PRKACB: variants seen among roughly 807,000 people sequenced by gnomAD.
PRKACB encodes the protein cAMP-dependent protein kinase catalytic subunit beta.
PRKACB carries 16 observed loss-of-function variants against 51.4 expected under a neutral mutation model. That is an observed-to-expected ratio of 0.31 (90% confidence interval 0.21 to 0.47). The LOEUF is 0.47. Ranked by LOEUF, PRKACB falls within the 20% of genes least tolerant of loss-of-function variation. The pLI is 1.00. For missense variants in PRKACB, 309 were observed against 464.5 expected (o/e 0.67, Z 3.08); for synonymous variants, 147 against 154.4 (o/e 0.95, Z 0.35).
chr1:84,205,793 A>G (rs1003488110), intron 8 of PRKACB, among the ~76,000 whole-genome samples: 3 of 152,088 alleles, frequency 2.0e-5, no homozygotes, highest in Admixed American at 1.3e-4. Context: ...TCTCTCCTAC[A>G]CATATTTTGC....
At chr1:84,109,380 T>A (rs1557945612) in intron 1 of PRKACB, among the ~76,000 whole-genome samples, 2 of 151,988 alleles carry the variant, frequency 1.3e-5, no homozygotes, top group African/African-American at 4.8e-5. Flanking sequence ...TCTCATCAAC[T>A]TTTGGTTTTT....
At chr1:84,097,157 T>C (rs1648981838) in intron 1 of PRKACB, among the ~76,000 whole-genome samples, 1 of 152,076 alleles carries the variant, frequency 6.6e-6, no homozygotes, top group Non-Finnish European at 1.5e-5. Context: ...AATTGGGTTG[T>C]TTTCCAGTTT....
rs1653006930 is a variant in PRKACB at position 84,138,094 on chromosome 1, A to G, written c.47-41083A>G. On this transcript the variant is annotated intron_variant, in intron 1 of 8. Transcript: ENST00000370688. Reference sequence around the variant, plus strand: ...ATCTTGATTTCTAAGACCATTCTCCAGTAAAAGGAACTAAGGCTCCTTGGA... The same window carrying G: ...ATCTTGATTTCTAAGACCATTCTCCGGTAAAAGGAACTAAGGCTCCTTGGA... Among the ~76,000 whole-genome samples the G allele has an allele frequency of 2.0e-5, 3 of 152,226 alleles. No homozygotes were observed. In the South Asian group the frequency reaches 6.2e-4, roughly 31 times the overall value.
At chr1:84,170,011 A>G (rs1239995158) in intron 1 of PRKACB, among the ~76,000 whole-genome samples, 1 of 151,718 alleles carries the variant, frequency 6.6e-6, no homozygotes, top group African/African-American at 2.4e-5. Flanking sequence ...ATAAACTGTA[A>G]CAAGTGCCCC....
Position 84,235,357 on chromosome 1 carries a change from G to A in PRKACB, c.*52G>A. 6.2e-7 allele frequency: 1 copy of A among 1,609,174 alleles called. No homozygotes were observed. Among genetic ancestry groups the A allele is most frequent in the East Asian group, 2.2e-5 (1 of 44,782 alleles). On this transcript the variant is annotated 3_prime_UTR_variant, in exon 10 of 10. Coordinates refer to ENST00000370685, the MANE Select transcript of PRKACB (RefSeq NM_182948.4). ...ACACTCAGTGTTTGCACTCTGTTGA[G>A]AGATAAGGTAGAGCTGAGACCGTCC...
intron 1 of PRKACB, among the ~76,000 whole-genome samples, chr1:84,113,011 A>G (rs958409704): frequency 3.3e-5 from 5 of 152,226 alleles, no homozygotes; most frequent in African/African-American, 4.8e-5. Context: ...GTCAACATAA[A>G]GAGACTAAAA....
At chr1:84,232,878 C>G (rs1490338090) in intron 9 of PRKACB, among the ~76,000 whole-genome samples, 2 of 152,136 alleles carry the variant, frequency 1.3e-5, no homozygotes, top group Non-Finnish European at 2.9e-5. Context: ...TTTGCCAAGT[C>G]TGTGTCTTTT....
intron 1 of PRKACB, among the ~76,000 whole-genome samples, chr1:84,168,840 C>T (rs960079355): frequency 2.5e-4 from 38 of 151,662 alleles, no homozygotes; most frequent in African/African-American, 8.7e-4. Context: ...ATGTATTAGG[C>T]CTTTTCAAGT....
chr1:84,185,003 CAG>C (rs972509019), intron 4 of PRKACB, 95 bp from the exon 5 acceptor site: 2 of 625,860 alleles, frequency 3.2e-6, no homozygotes, highest in African/African-American at 4.0e-5. Flanking sequence ...ATTAATCTGT[CAG>C]AGAGATTTTA....
At chr1:84,197,869 T>C (rs773113867) in intron 7 of PRKACB, 45 bp downstream of exon 7, 3 of 1,329,436 alleles carry the variant, frequency 2.3e-6, no homozygotes, top group Non-Finnish European at 3.2e-6. Context: ...ATATGAGACA[T>C]GCATCCCTAT....
At chr1:84,183,982 A>G (rs1664363462) in intron 3 of PRKACB, 55 bp from the exon 4 acceptor site, 18 of 1,446,878 alleles carry the variant, frequency 1.2e-5, no homozygotes, top group Admixed American at 5.0e-5. Context: ...TTTTTAAATG[A>G]TAACTTTTTA....
At chr1:84,150,252 T>G (rs1190212765) in intron 1 of PRKACB, among the ~76,000 whole-genome samples, 1 of 152,166 alleles carries the variant, frequency 6.6e-6, no homozygotes, top group African/African-American at 2.4e-5. Context: ...CAGTCCAGCC[T>G]GGGTGACAGA....
chr1:84,194,997 T>C (rs1340925844), intron 5 of PRKACB, among the ~76,000 whole-genome samples: 1 of 152,204 alleles, frequency 6.6e-6, no homozygotes, highest in Non-Finnish European at 1.5e-5. Flanking sequence ...GAAATTAATA[T>C]TTTATAAGTA....
At chr1:84,143,665 CT>C (rs1246575751), upstream of PRKACB, among the ~76,000 whole-genome samples, 1 of 152,006 alleles carries the variant, frequency 6.6e-6, no homozygotes, top group African/African-American at 2.4e-5. Context: ...AAATGTACCC[CT>C]GGTAATAGAC....
chr1:84,085,509 A>G (rs1647899560), intron 1 of PRKACB, among the ~76,000 whole-genome samples: 1 of 152,226 alleles, frequency 6.6e-6, no homozygotes, highest in South Asian at 2.1e-4. Flanking sequence ...ATATTTATTA[A>G]AAGAAAAAAT....
chr1:84,115,356 C>A (rs1287802003), intron 1 of PRKACB, among the ~76,000 whole-genome samples: 1 of 151,932 alleles, frequency 6.6e-6, no homozygotes, highest in Non-Finnish European at 1.5e-5. Flanking sequence ...TGTCATTTAC[C>A]TGCTTTTTAA....
chr1:84,146,143 T>TG (rs11381377), intron 1 of PRKACB, among the ~76,000 whole-genome samples: 34,723 of 140,774 alleles, frequency 0.25, 4,162 homozygotes, highest in Middle Eastern at 0.32. Context: ...AAATGCTGTT[T>TG]TGTTTTTTTT....
chr1:84,086,627 G>T (rs1030788710), intron 1 of PRKACB, among the ~76,000 whole-genome samples: 1 of 152,140 alleles, frequency 6.6e-6, no homozygotes, highest in African/African-American at 2.4e-5. Flanking sequence ...AAAAGAAAAA[G>T]AAAAAAGAAG....
Position 84,202,811 on chromosome 1 carries a change from T to A in PRKACB, c.906+6T>A. 1 of 1,591,428 alleles carries A rather than the reference T, an allele frequency of 6.3e-7. No individual in the cohort carries two copies. The highest frequency in any genetic ancestry group is 8.6e-7 in the Non-Finnish European group (1 of 1,161,852). ...AAAAGATTGTTTCTGGAAAGGTAAG[T>A]AAAACATTTTATTATTCCTCTCTTA... On this transcript the variant is annotated splice_donor_region_variant and intron_variant, in intron 8 of 9. Transcript: ENST00000370685.
Sources: gnomAD v4.1 joint callset for allele counts (sites outside exome capture counted in the v4.1 genomes callset) on GRCh38, gnomAD v4.1.1 for gene constraint, MANE v1.5 for transcripts, NCBI Gene and HGNC (gene_info 2026-07-23, HGNC 2026-07-21) for gene names.